Variants in KCND2 observed in about 807,000 individuals in gnomAD.
KCND2 encodes the protein A-type voltage-gated potassium channel KCND2.
A neutral mutation model predicts 54.4 loss-of-function variants in KCND2; 16 were observed. That is an observed-to-expected ratio of 0.29 (90% CI 0.20 to 0.45). KCND2 has a LOEUF of 0.45. KCND2 is among the 20% of genes least tolerant of loss of function. KCND2 has a pLI of 1.00. For missense variants in KCND2, 486 were observed against 824.2 expected (o/e 0.59, Z 5.02); for synonymous variants, 317 against 310.7 (o/e 1.02, Z -0.21).
At chr7:120,312,618 C>T (rs1799754412) in intron 1 of KCND2, among the ~76,000 whole-genome samples, 2 of 152,260 alleles carry the variant, frequency 1.3e-5, no homozygotes, top group African/African-American at 4.8e-5. Flanking sequence ...TACATTCAGC[C>T]TCAAAGAATT....
chr7:120,513,357 C>T (rs1366841380), intron 1 of KCND2, among the ~76,000 whole-genome samples: 1 of 152,118 alleles, frequency 6.6e-6, no homozygotes, highest in Admixed American at 6.6e-5. Flanking sequence ...TATTTTTCTT[C>T]TCACAAGGAA....
At chr7:120,531,537 A>G (rs537790255) in intron 1 of KCND2, among the ~76,000 whole-genome samples, 43 of 152,202 alleles carry the variant, frequency 2.8e-4, no homozygotes, top group Non-Finnish European at 5.7e-4. Flanking sequence ...ATTCTTCTCC[A>G]GCTGCCACCC....
intron 1 of KCND2, among the ~76,000 whole-genome samples, chr7:120,481,838 G>A (rs76398757): frequency 0.029 from 4,430 of 152,288 alleles, 97 homozygotes; most frequent in Non-Finnish European, 0.044. Context: ...TGGGGACATA[G>A]CTACTTCACC....
intron 1 of KCND2, among the ~76,000 whole-genome samples, chr7:120,583,179 C>T (rs924327299): frequency 3.9e-5 from 6 of 151,982 alleles, no homozygotes; most frequent in Non-Finnish European, 7.4e-5. Context: ...AGGAATACAG[C>T]GTAGCTCTTT....
intron 1 of KCND2, among the ~76,000 whole-genome samples, chr7:120,291,323 A>G (rs1310571626): frequency 6.6e-6 from 1 of 151,926 alleles, no homozygotes; most frequent in Non-Finnish European, 1.5e-5. Flanking sequence ...GAGCTCCCCA[A>G]AAATCTGTGA....
chr7:120,640,970 C>T (rs1793363770), intron 1 of KCND2, among the ~76,000 whole-genome samples: 1 of 152,202 alleles, frequency 6.6e-6, no homozygotes, highest in Non-Finnish European at 1.5e-5. Context: ...TACTGTCCAG[C>T]CATTGGAGAG....
chr7:120,599,382 C>A (rs1239237349), intron 1 of KCND2, among the ~76,000 whole-genome samples: 5 of 151,896 alleles, frequency 3.3e-5, no homozygotes, highest in Non-Finnish European at 5.9e-5. Flanking sequence ...CTGCTGAAAT[C>A]TTTTCTAGTA....
intron 1 of KCND2, among the ~76,000 whole-genome samples, chr7:120,467,558 G>T (rs1802389452): frequency 6.6e-6 from 1 of 152,074 alleles, no homozygotes; most frequent in South Asian, 2.1e-4. Context: ...GGAACAGAGT[G>T]GCAGACCCAA....
intron 5 of KCND2, chr7:120,746,999 G>A (rs949542452): frequency 1.3e-4 from 19 of 151,960 alleles, no homozygotes; most frequent in African/African-American, 4.1e-4. Flanking sequence ...AGTCGACAAT[G>A]GAAAATTATC....
chr7:120,469,176 A>G (rs554814449), intron 1 of KCND2, among the ~76,000 whole-genome samples: 5 of 152,310 alleles, frequency 3.3e-5, no homozygotes, highest in African/African-American at 1.2e-4. Flanking sequence ...AAGCATGAGT[A>G]ATTCACAAAA....
intron 1 of KCND2, among the ~76,000 whole-genome samples, chr7:120,559,983 T>C (rs554219209): frequency 2.0e-5 from 3 of 152,324 alleles, no homozygotes; most frequent in East Asian, 3.9e-4. Flanking sequence ...GATGATTTCA[T>C]GTTGTATTCA....
intron 1 of KCND2, among the ~76,000 whole-genome samples, chr7:120,359,364 C>T (rs370477620): frequency 2.0e-5 from 3 of 152,018 alleles, no homozygotes; most frequent in African/African-American, 4.8e-5. Context: ...GGCCTTTGAC[C>T]TTTTCATTAT....
chr7:120,354,031 A>T (rs1800454203), intron 1 of KCND2, among the ~76,000 whole-genome samples: 1 of 152,198 alleles, frequency 6.6e-6, no homozygotes, highest in Non-Finnish European at 1.5e-5. Context: ...AAATATACGT[A>T]GAGTACTTCT....
At chr7:120,622,565 T>C (rs1380550828) in intron 1 of KCND2, among the ~76,000 whole-genome samples, 1 of 151,680 alleles carries the variant, frequency 6.6e-6, no homozygotes, top group East Asian at 1.9e-4. Context: ...ATACCGCAAC[T>C]CCACATAATA....
intron 1 of KCND2, among the ~76,000 whole-genome samples, chr7:120,571,686 A>G (rs570794228): frequency 4.8e-4 from 73 of 152,316 alleles, no homozygotes; most frequent in Admixed American, 5.9e-4. Context: ...CTCTTTCTTA[A>G]TGAAGCATCT....
At chr7:120,447,325 C>T (rs1243221782) in intron 1 of KCND2, among the ~76,000 whole-genome samples, 1 of 148,678 alleles carries the variant, frequency 6.7e-6, no homozygotes, top group Non-Finnish European at 1.5e-5. Flanking sequence ...GAAGAAATGC[C>T]TTCTAGGTCT....
rs184404618 is a variant in KCND2 at position 120,475,486 on chromosome 7, G to A, written c.1115+199739G>A. On this transcript the variant is annotated intron_variant, in intron 1 of 5. Coordinates refer to ENST00000331113, the MANE Select transcript of KCND2 (RefSeq NM_012281.3). ...TTTTAGTAATTTTTTAAACATCAAG[G>A]CATTTTTTTTATTTCCATTTTCCAT... Among the ~76,000 whole-genome samples, 14 of 152,138 alleles carry A rather than the reference G, an allele frequency of 9.2e-5. No individual in the cohort carries two copies. In the South Asian group the frequency reaches 1.5e-3, roughly 16 times the overall value.
At chr7:120,716,430 T>A (rs1792604275) in intron 1 of KCND2, among the ~76,000 whole-genome samples, 1 of 152,070 alleles carries the variant, frequency 6.6e-6, no homozygotes. Flanking sequence ...ACATGCCCAC[T>A]GTAGGCTTGT....
chr7:120,520,255 A>C (rs923858808), intron 1 of KCND2, among the ~76,000 whole-genome samples: 1 of 152,094 alleles, frequency 6.6e-6, no homozygotes, highest in Non-Finnish European at 1.5e-5. Context: ...CAGTAATTCT[A>C]TTTGTGATAA....
Sources: gnomAD v4.1 joint callset for allele counts (sites outside exome capture counted in the v4.1 genomes callset) on GRCh38, gnomAD v4.1.1 for gene constraint, MANE v1.5 for transcripts, NCBI Gene and HGNC (gene_info 2026-07-23, HGNC 2026-07-21) for gene names.